The following EBF1 variants were observed in gnomAD, a reference collection of about 807,000 sequenced individuals.
EBF1 encodes transcription factor COE1.
In EBF1, 10 loss-of-function variants were observed where a neutral mutation model predicts 68.4. That is an observed-to-expected ratio of 0.15 (90% CI 0.09 to 0.25). EBF1 has a LOEUF of 0.25. EBF1 is among the 10% of genes least tolerant of loss of function. The pLI, the probability that EBF1 is intolerant of heterozygous loss-of-function variation, is 1.00. For synonymous variants in EBF1, 298 were observed against 299.8 expected (o/e 0.99, Z 0.06); for missense variants, 509 against 794.4 (o/e 0.64, Z 4.32).
intron 6 of EBF1, among the ~76,000 whole-genome samples, chr5:158,916,061 G>T (rs532741612): frequency 6.6e-6 from 1 of 152,112 alleles, no homozygotes; most frequent in Non-Finnish European, 1.5e-5. Flanking sequence ...ACAAAGGGGG[G>T]TCCAAATTTG....
At chr5:158,804,948 A>G (rs1362370491) in intron 8 of EBF1, among the ~76,000 whole-genome samples, 1 of 152,078 alleles carries the variant, frequency 6.6e-6, no homozygotes, top group African/African-American at 2.4e-5. Flanking sequence ...CATGGATCCA[A>G]TTGTGATATT....
At position 158,790,502 on chromosome 5, in the gene EBF1, A is replaced by G. The variant is rs377394303; in HGVS notation, c.909+5843T>C. 3.5e-3 allele frequency among the ~76,000 whole-genome samples: 355 copies of G among 102,340 alleles called. 4 individuals carry two copies. The highest frequency in any genetic ancestry group is 0.01 in the African/African-American group (328 of 32,166). The allele number at this position is 102,340 out of a possible 152,430, so 67.1% of individuals were successfully genotyped here. ...TCTCCCTGTAAGGTGATCCTTGGGG[A>G]AAAAAAAAAGAGTTCTGCCTTCACA... On this transcript the variant is annotated intron_variant, in intron 9 of 15. Transcript: ENST00000313708.
At chr5:158,794,226 G>T (rs1779212251) in intron 9 of EBF1, among the ~76,000 whole-genome samples, 2 of 152,186 alleles carry the variant, frequency 1.3e-5, no homozygotes, top group Non-Finnish European at 2.9e-5. Context: ...ACAGAGTGAA[G>T]AGGGGCTCCT....
intron 15 of EBF1, among the ~76,000 whole-genome samples, chr5:158,703,685 A>G (rs1757246009): frequency 6.6e-6 from 1 of 151,496 alleles, no homozygotes; most frequent in African/African-American, 2.4e-5. Context: ...AGCTGGAATC[A>G]TGATAGAATC....
intron 6 of EBF1, among the ~76,000 whole-genome samples, chr5:158,967,364 C>T (rs1754385326): frequency 2.0e-5 from 3 of 152,082 alleles, no homozygotes; most frequent in South Asian, 4.1e-4. Flanking sequence ...GTATCTTTAC[C>T]GTAAAATGGA....
intron 8 of EBF1, among the ~76,000 whole-genome samples, chr5:158,809,696 C>T (rs995192186): frequency 1.3e-5 from 2 of 152,144 alleles, no homozygotes; most frequent in Non-Finnish European, 2.9e-5. Flanking sequence ...GAAAATACTG[C>T]CAAACTTCCA....
At chr5:159,003,697 G>T (rs570158174) in intron 6 of EBF1, among the ~76,000 whole-genome samples, 1 of 152,308 alleles carries the variant, frequency 6.6e-6, no homozygotes, top group South Asian at 2.1e-4. Flanking sequence ...CATTCATTGA[G>T]GACTGAGCAC....
intron 10 of EBF1, among the ~76,000 whole-genome samples, chr5:158,770,385 C>T (rs888897657): frequency 6.6e-6 from 1 of 152,146 alleles, no homozygotes; most frequent in African/African-American, 2.4e-5. Context: ...TTCCAAGATA[C>T]ATTCTGGTCT....
chr5:158,991,865 GC>G (rs375400876), intron 6 of EBF1, among the ~76,000 whole-genome samples: 84 of 152,214 alleles, frequency 5.5e-4, no homozygotes, highest in African/African-American at 2.0e-3. Context: ...GCTGAACAAA[GC>G]CCCTCCCTGC....
intron 6 of EBF1, among the ~76,000 whole-genome samples, chr5:158,938,341 C>G (rs1390475888): frequency 1.3e-5 from 2 of 152,302 alleles, no homozygotes; most frequent in South Asian, 2.1e-4. Flanking sequence ...TTTCACCCCC[C>G]TCCTCCCCTC....
intron 7 of EBF1, among the ~76,000 whole-genome samples, chr5:158,826,733 G>C (rs753478953): frequency 6.6e-6 from 1 of 152,100 alleles, no homozygotes; most frequent in Non-Finnish European, 1.5e-5. Context: ...TTCTAGTTGA[G>C]AGTATTCGTT....
At chr5:158,742,862 A>G (rs1406834189) in intron 10 of EBF1, among the ~76,000 whole-genome samples, 1 of 152,242 alleles carries the variant, frequency 6.6e-6, no homozygotes, top group African/African-American at 2.4e-5. Flanking sequence ...AAAAAATAGG[A>G]GACACCTAAT....
intron 8 of EBF1, among the ~76,000 whole-genome samples, chr5:158,798,800 C>T (rs1780044540): frequency 6.6e-6 from 1 of 152,136 alleles, no homozygotes; most frequent in South Asian, 2.1e-4. Flanking sequence ...CAATATTTGA[C>T]ACCATTGTCT....
In EBF1 at chr5:158,697,848, C is replaced by A. The variant is rs1291650320; in HGVS notation, c.*1263G>T. The A allele has an allele frequency of 9.6e-6, 2 of 208,634 alleles. No homozygotes were observed. Among genetic ancestry groups the A allele is most frequent in the African/African-American group, 2.3e-5 (1 of 43,958 alleles). 12.9% of individuals were successfully genotyped at this position (208,634 alleles called of 1,614,324 possible). A position where few individuals can be genotyped will look rare whatever the true frequency, so the allele number is the denominator to read the frequency against. ...CAAATGCATCCTCAGAGCTTTGCTG[C>A]ATCTTTGCTATTAATTCTTATTTTT... On this transcript the variant is annotated 3_prime_UTR_variant, in exon 16 of 16. Coordinates refer to ENST00000313708, the MANE Select transcript of EBF1 (RefSeq NM_024007.5).
At chr5:158,949,809 G>T (rs1030523670) in intron 6 of EBF1, among the ~76,000 whole-genome samples, 1 of 152,196 alleles carries the variant, frequency 6.6e-6, no homozygotes, top group African/African-American at 2.4e-5. Flanking sequence ...ATTTATCCAA[G>T]AATTCCCCTG....
intron 6 of EBF1, among the ~76,000 whole-genome samples, chr5:158,982,836 G>C (rs1758163107): frequency 1.3e-5 from 2 of 152,082 alleles, no homozygotes; most frequent in Non-Finnish European, 1.5e-5. Context: ...AGCATCCTAT[G>C]TATGAAACTC....
intron 6 of EBF1, among the ~76,000 whole-genome samples, chr5:158,845,256 T>A (rs1291473833): frequency 6.6e-6 from 1 of 152,120 alleles, no homozygotes; most frequent in Non-Finnish European, 1.5e-5. Flanking sequence ...GAAGCCTGAG[T>A]GAATTTCAAC....
intron 5 of EBF1, among the ~76,000 whole-genome samples, chr5:159,081,373 A>C (rs1779713095): frequency 6.6e-6 from 1 of 152,220 alleles, no homozygotes; most frequent in Non-Finnish European, 1.5e-5. Flanking sequence ...CTAATTTATA[A>C]ATTAAACATT....
chr5:158,950,360 A>G (rs937063484), intron 6 of EBF1, among the ~76,000 whole-genome samples: 1 of 152,230 alleles, frequency 6.6e-6, no homozygotes, highest in African/African-American at 2.4e-5. Context: ...CCTGTTCTTC[A>G]CACTGCCATT....
Sources: allele counts gnomAD v4.1 joint callset (sites outside exome capture counted in the v4.1 genomes callset), GRCh38; gene constraint gnomAD v4.1.1; transcripts MANE v1.5; gene names NCBI Gene and HGNC (gene_info 2026-07-23, HGNC 2026-07-21).